TECR: variants seen among roughly 807,000 people sequenced by gnomAD.
The protein encoded by TECR is trans-2,3-enoyl-CoA reductase, also known as very-long-chain enoyl-CoA reductase.
Under a neutral mutation model 50.6 loss-of-function variants are expected in TECR, and 19 were observed. The observed-to-expected ratio is 0.38, with a 90% CI of 0.26 to 0.55. The LOEUF (loss-of-function observed/expected upper bound fraction) is 0.55, where lower values mean the gene tolerates loss of function less well. Among genes scored for constraint, TECR ranks in the 20% least tolerant of loss-of-function variants. The pLI is 0.79. For synonymous variants in TECR, 168 were observed against 163.5 expected (o/e 1.03, Z -0.21); for missense variants, 313 against 408.3 (o/e 0.77, Z 2.01).
At chr19:14,547,006 T>C (rs2073331439) in intron 1 of TECR, among the ~76,000 whole-genome samples, 2 of 152,200 alleles carry the variant, frequency 1.3e-5, no homozygotes, top group Admixed American at 6.5e-5. Context: ...AAAAATTAAA[T>C]TTCAATTTGA....
At chr19:14,565,722 T>G in intron 12 of TECR, 22 bp from the exon 13 acceptor site, 1 of 1,612,206 alleles carries the variant, frequency 6.2e-7, no homozygotes, top group Non-Finnish European at 8.5e-7. Flanking sequence ...AGCCCCTCCC[T>G]GACGCCCGTT....
At chr19:14,550,555 C>T (rs767672322) in intron 1 of TECR, among the ~76,000 whole-genome samples, 2 of 152,150 alleles carry the variant, frequency 1.3e-5, no homozygotes, top group South Asian at 4.2e-4. Context: ...AACTGCCACC[C>T]AGCTGTGGGT....
At chr19:14,551,394 GAGA>G (rs1392337527) in intron 1 of TECR, among the ~76,000 whole-genome samples, 1 of 152,104 alleles carries the variant, frequency 6.6e-6, no homozygotes, top group Non-Finnish European at 1.5e-5. Flanking sequence ...ATTTTGTGTA[GAGA>G]AGGAGTTTTG....
intron 1 of TECR, among the ~76,000 whole-genome samples, chr19:14,557,156 T>TA (rs57941735): frequency 7.2e-5 from 11 of 151,772 alleles, no homozygotes; most frequent in South Asian, 4.2e-4. Context: ...TTTATTTATT[T>TA]TGAGACAGGG....
At chr19:14,558,690 G>A (rs959193067) in intron 1 of TECR, among the ~76,000 whole-genome samples, 4 of 152,140 alleles carry the variant, frequency 2.6e-5, no homozygotes, top group African/African-American at 9.7e-5. Flanking sequence ...CGTGGCCAGT[G>A]CTGGGACCTC....
chr19:14,542,374 T>C lies in TECR; in HGVS notation c.15+12663T>C, dbSNP rs868210008. ...TTTTTTTTTTTTTTTTTTTTTTTTTTTTCTGAGATGGAGTTTCGCTTTTGT... is the reference window on the plus strand; with the variant it reads ...TTTTTTTTTTTTTTTTTTTTTTTTTCTTCTGAGATGGAGTTTCGCTTTTGT... On this transcript the variant is annotated intron_variant, in intron 1 of 12. Coordinates refer to ENST00000215567, the MANE Select transcript of TECR (RefSeq NM_138501.6). Among the ~76,000 whole-genome samples, 69 of 117,250 alleles carry C rather than the reference T, an allele frequency of 5.9e-4. 1 individual carries two copies. Among genetic ancestry groups the C allele is most frequent in the Non-Finnish European group, 4.4e-4 (25 of 56,620 alleles). The allele number at this position is 117,250 out of a possible 152,430, so 76.9% of individuals were successfully genotyped here. A position where few individuals can be genotyped will look rare whatever the true frequency, so the allele number is the denominator to read the frequency against.
intron 1 of TECR, among the ~76,000 whole-genome samples, chr19:14,548,694 C>T (rs2073386058): frequency 6.6e-6 from 1 of 152,146 alleles, no homozygotes; most frequent in African/African-American, 2.4e-5. Context: ...TCTCCTGTCT[C>T]AGCCTCCCAA....
intron 1 of TECR, among the ~76,000 whole-genome samples, chr19:14,542,589 T>C (rs2073142723): frequency 6.8e-6 from 1 of 146,438 alleles, no homozygotes; most frequent in Non-Finnish European, 1.5e-5. Context: ...CTCGAACTCC[T>C]GACCTCAGGT....
intron 1 of TECR, among the ~76,000 whole-genome samples, chr19:14,534,554 G>C (rs2072796731): frequency 6.9e-6 from 1 of 144,114 alleles, no homozygotes; most frequent in Non-Finnish European, 1.5e-5. Flanking sequence ...TCCTGCCTCA[G>C]CCTCCCAAGT....
intron 11 of TECR, 57 bp from the exon 12 acceptor site, chr19:14,565,561 C>T (rs2074054463): frequency 1.3e-6 from 2 of 1,576,932 alleles, no homozygotes; most frequent in South Asian, 1.1e-5. Context: ...GAGTCCAGGA[C>T]AGCCACATAC....
At position 14,562,557 on chromosome 19, in the gene TECR, G is replaced by C. The variant is rs2073934806; in HGVS notation, c.48G>C (p.Lys16Asn). The change falls in exon 2 of 13, where the codon AAG becomes AAC. Residue 16 changes from lysine to asparagine, a missense_variant. Transcript: ENST00000215567. ...VEILDAKTREKLCFLDKVEPH... is the reference protein window; with the variant it reads ...VEILDAKTRENLCFLDKVEPH... ...TTCTGGACGCAAAGACAAGGGAGAA[G>C]CTGTGTTTCTTGGACAAGGTAGGAC... 4 of 1,614,116 alleles carry C rather than the reference G, an allele frequency of 2.5e-6. No homozygotes were observed. Among genetic ancestry groups the C allele is most frequent in the Non-Finnish European group, 3.4e-6 (4 of 1,180,032 alleles).
At chr19:14,541,306 A>G (rs61630458) in intron 1 of TECR, among the ~76,000 whole-genome samples, 31,335 of 151,960 alleles carry the variant, frequency 0.21, 3,520 homozygotes, top group South Asian at 0.41. Context: ...CCTCTTGGCC[A>G]CAAGCCCTGG....
chr19:14,563,435 CT>C lies in TECR; in HGVS notation c.118+180del. On this transcript the variant is annotated intron_variant, in intron 3 of 12. Coordinates refer to ENST00000215567, the MANE Select transcript of TECR (RefSeq NM_138501.6). The surrounding 1 kb of genome is among the most constrained non-coding windows in gnomAD (Gnocchi z 5.3). ...CCACGTGGCACTCCGCAGGAACGCC[CT>C]TGCTAGGCTCTGGGAAGGACAAGAT... 1 of 815,664 alleles carries C rather than the reference CT, an allele frequency of 1.2e-6. No homozygotes were observed. Among genetic ancestry groups the C allele is most frequent in the Non-Finnish European group, 2.0e-6 (1 of 499,782 alleles). The allele number at this position is 815,664 out of a possible 1,614,324, so 50.5% of individuals were successfully genotyped here.
rs928283476 is a variant in TECR, at chr19:14,561,362, C to T, written c.16-1163C>T. On this transcript the variant is annotated intron_variant, in intron 1 of 12. Coordinates refer to ENST00000215567, the MANE Select transcript of TECR (RefSeq NM_138501.6). The stretch of plus-strand genomic sequence containing the variant: ...TGGGATCAGGCCTGCCTGCTTGCCA[C>T]GACCCCTGTATAATAGGATTGCACT... Among the ~76,000 whole-genome samples, 13 of 152,268 alleles carry T rather than the reference C, an allele frequency of 8.5e-5. 1 individual carries two copies. Among genetic ancestry groups the T allele is most frequent in the South Asian group, 4.1e-4 (2 of 4,830 alleles).
At chr19:14,540,433 C>A (rs1473972963) in intron 1 of TECR, among the ~76,000 whole-genome samples, 1 of 151,242 alleles carries the variant, frequency 6.6e-6, no homozygotes, top group Non-Finnish European at 1.5e-5. Flanking sequence ...TGCTCTGTCA[C>A]CTAGACTGGA....
rs71166754 is a variant in TECR, at chr19:14,542,347, G to GTTTTTTTTTTTT, written c.15+12654_15+12665dup. ...CCTCAGGGGGCCCTCATGCCATAGT[G>GTTTTTTTTTTTT]TTTTTTTTTTTTTTTTTTTTTTTTT... On this transcript the variant is annotated intron_variant, in intron 1 of 12. Transcript: ENST00000215567. Among the ~76,000 whole-genome samples the GTTTTTTTTTTTT allele has an allele frequency of 9.6e-3, 415 of 43,298 alleles. 102 individuals carry two copies. The highest frequency in any genetic ancestry group is 0.014 in the Non-Finnish European group (308 of 22,812). The allele number at this position is 43,298 out of a possible 152,430, so 28.4% of individuals were successfully genotyped here. A position where few individuals can be genotyped will look rare whatever the true frequency, so the allele number is the denominator to read the frequency against.
chr19:14,539,570 A>G (rs1049010203), intron 1 of TECR, among the ~76,000 whole-genome samples: 1 of 151,968 alleles, frequency 6.6e-6, no homozygotes, highest in African/African-American at 2.4e-5. Context: ...TTAGTGTGCC[A>G]TGGCTCAGAA....
At chr19:14,550,801 C>T (rs2073473314) in intron 1 of TECR, among the ~76,000 whole-genome samples, 1 of 151,954 alleles carries the variant, frequency 6.6e-6, no homozygotes, top group Non-Finnish European at 1.5e-5. Context: ...CTGTCTCAGC[C>T]TCCCCCGTAG....
At chr19:14,530,746 T>C (rs1052020775) in intron 1 of TECR, 19 of 152,186 alleles carry the variant, frequency 1.2e-4, no homozygotes, top group African/African-American at 4.6e-4. Context: ...ATTTCTTGTT[T>C]CTCACTTCCC....
Sources: allele counts gnomAD v4.1 joint callset (sites outside exome capture counted in the v4.1 genomes callset), GRCh38; gene constraint gnomAD v4.1.1; non-coding constraint Gnocchi (gnomAD v3.1); transcripts MANE v1.5; gene names NCBI Gene and HGNC (gene_info 2026-07-23, HGNC 2026-07-21).